GRIK2: variants seen among roughly 807,000 people sequenced by gnomAD.
The protein encoded by GRIK2 is glutamate receptor ionotropic, kainate 2.
Under a neutral mutation model 100.3 loss-of-function variants are expected in GRIK2, and 32 were observed. The ratio of observed to expected loss-of-function variants is 0.32; its 90% CI spans 0.24 to 0.43. The LOEUF is 0.43. Ranked by LOEUF, GRIK2 falls within the 20% of genes least tolerant of loss-of-function variation. GRIK2 has a pLI of 1.00. For missense variants in GRIK2, 843 were observed against 1,114.9 expected (o/e 0.76, Z 3.47); for synonymous variants, 417 against 389.4 (o/e 1.07, Z -0.83).
At chr6:101,691,626 G>A (rs752549520) in intron 7 of GRIK2, among the ~76,000 whole-genome samples, 8 of 152,070 alleles carry the variant, frequency 5.3e-5, no homozygotes, top group Non-Finnish European at 1.2e-4. Flanking sequence ...TGATTAAATA[G>A]TGAAAGTATA....
chr6:101,999,897 C>T (rs911315918), intron 14 of GRIK2, among the ~76,000 whole-genome samples: 3 of 151,824 alleles, frequency 2.0e-5, no homozygotes, highest in Admixed American at 6.6e-5. Flanking sequence ...AACAATAGCT[C>T]GATTTATCTT....
chr6:101,610,757 C>T lies in GRIK2; in HGVS notation c.116-11192C>T, dbSNP rs1779634158. ...GCTTGCTCATCCAGTCACTTTTCGC[C>T]TTTTCTTTTCATTTGGTTGACCTAT... On this transcript the variant is annotated intron_variant, in intron 2 of 16. Coordinates refer to ENST00000369134, the MANE Select transcript of GRIK2 (RefSeq NM_021956.5). Among the ~76,000 whole-genome samples the T allele has an allele frequency of 2.0e-5, 3 of 151,688 alleles. No individual in the cohort carries two copies. The Admixed American group carries it at 2.0e-4, about 10-fold the overall frequency.
intron 2 of GRIK2, among the ~76,000 whole-genome samples, chr6:101,603,169 AC>A (rs35553215): frequency 0.27 from 41,060 of 151,532 alleles, 5,874 homozygotes; most frequent in African/African-American, 0.35. Flanking sequence ...TGTAAAATAG[AC>A]CTAAGAGAGT....
chr6:101,671,762 G>A (rs1241733495), intron 4 of GRIK2, among the ~76,000 whole-genome samples: 1 of 152,138 alleles, frequency 6.6e-6, no homozygotes, highest in Non-Finnish European at 1.5e-5. Context: ...TACTCGGGAG[G>A]CTGAGGCAGG....
chr6:101,858,321 T>C (rs1188525268), intron 10 of GRIK2, among the ~76,000 whole-genome samples: 1 of 151,974 alleles, frequency 6.6e-6, no homozygotes, highest in East Asian at 1.9e-4. Context: ...TAAAATTATG[T>C]TGGATGAATG....
chr6:101,539,688 G>C (rs993665452), intron 2 of GRIK2, among the ~76,000 whole-genome samples: 1 of 151,182 alleles, frequency 6.6e-6, no homozygotes, highest in Admixed American at 6.6e-5. Flanking sequence ...TATTTTTTGT[G>C]TTTCATACTT....
intron 14 of GRIK2, among the ~76,000 whole-genome samples, chr6:102,028,744 A>G (rs571511313): frequency 6.0e-5 from 9 of 151,146 alleles, no homozygotes; most frequent in Admixed American, 2.6e-4. Flanking sequence ...TATTTTTGTC[A>G]GGTAAGTTAT....
chr6:101,743,912 A>G (rs1776209820), intron 7 of GRIK2, among the ~76,000 whole-genome samples: 1 of 152,056 alleles, frequency 6.6e-6, no homozygotes, highest in Non-Finnish European at 1.5e-5. Flanking sequence ...TGGTGCATCC[A>G]TTACCTGAGA....
In GRIK2 at chr6:101,766,345, G is replaced by T. The variant is rs1778044525; in HGVS notation, c.952-33303G>T. ...TCTAATCATGACCTCAATTTTTAAA[G>T]AATCTTGTGTTTAAAGATTTAATAA... On this transcript the variant is annotated intron_variant, in intron 7 of 16. Coordinates refer to ENST00000369134, the MANE Select transcript of GRIK2 (RefSeq NM_021956.5). Among the ~76,000 whole-genome samples the T allele has an allele frequency of 2.6e-5, 4 of 151,992 alleles. No homozygotes were observed. In the South Asian group the frequency reaches 8.3e-4, roughly 31 times the overall value.
chr6:101,726,400 A>T (rs1250742051), intron 7 of GRIK2, among the ~76,000 whole-genome samples: 1 of 152,038 alleles, frequency 6.6e-6, no homozygotes, highest in Non-Finnish European at 1.5e-5. Flanking sequence ...CTTAAAGAGA[A>T]CTTAATATAT....
intron 11 of GRIK2, among the ~76,000 whole-genome samples, chr6:101,888,532 A>G (rs62419304): frequency 0.19 from 29,073 of 152,066 alleles, 3,439 homozygotes; most frequent in East Asian, 0.3. Flanking sequence ...CCTAGTTTTT[A>G]GAGAAATATC....
intron 2 of GRIK2, among the ~76,000 whole-genome samples, chr6:101,471,871 A>G (rs1771964971): frequency 6.6e-6 from 1 of 151,918 alleles, no homozygotes; most frequent in Admixed American, 6.6e-5. Context: ...AGTTTAGTTT[A>G]TTATGTATAT....
chr6:101,581,935 G>T (rs1053135101), intron 2 of GRIK2, among the ~76,000 whole-genome samples: 1 of 152,012 alleles, frequency 6.6e-6, no homozygotes, highest in African/African-American at 2.4e-5. Context: ...ATCTCACCTT[G>T]AATTATAATA....
chr6:101,733,708 C>CTTTTTATTTTTTTTTT (rs1775437422), intron 7 of GRIK2, among the ~76,000 whole-genome samples: 1 of 83,938 alleles, frequency 1.2e-5, no homozygotes, highest in Non-Finnish European at 2.4e-5. Flanking sequence ...ATTCCTCTTT[C>CTTTTTATTTTTTTTTT]TTTTTTTTTT....
At chr6:101,395,447 GGTAT>G (rs1404974276) in intron 1 of GRIK2, among the ~76,000 whole-genome samples, 13 of 152,058 alleles carry the variant, frequency 8.5e-5, no homozygotes, top group African/African-American at 3.1e-4. Flanking sequence ...GTTGTTCTGG[GGTAT>G]GTATTTGCTG....
At chr6:101,544,832 T>C (rs1023729443) in intron 2 of GRIK2, among the ~76,000 whole-genome samples, 1 of 152,182 alleles carries the variant, frequency 6.6e-6, no homozygotes, top group Non-Finnish European at 1.5e-5. Flanking sequence ...GTGGTAGAGG[T>C]GAAATTAAAA....
At chr6:101,554,994 T>C (rs1016592146) in intron 2 of GRIK2, among the ~76,000 whole-genome samples, 5 of 152,288 alleles carry the variant, frequency 3.3e-5, no homozygotes, top group South Asian at 4.1e-4. Context: ...TGCAAGTAAA[T>C]TTAATTTCCA....
At chr6:101,858,386 C>CTTT (rs780526806) in intron 10 of GRIK2, among the ~76,000 whole-genome samples, 63 of 91,648 alleles carry the variant, frequency 6.9e-4, no homozygotes, top group South Asian at 7.8e-4. Context: ...ATTTTTTTTT[C>CTTT]TTTTTTTTTT....
At chr6:102,030,445 G>A (rs565218866) in intron 14 of GRIK2, among the ~76,000 whole-genome samples, 1 of 150,586 alleles carries the variant, frequency 6.6e-6, no homozygotes, top group Admixed American at 6.6e-5. Context: ...ACTGCTACCA[G>A]TTTACTTTCC....
Sources: gnomAD v4.1 joint callset for allele counts (sites outside exome capture counted in the v4.1 genomes callset) on GRCh38, gnomAD v4.1.1 for gene constraint, MANE v1.5 for transcripts, NCBI Gene and HGNC (gene_info 2026-07-23, HGNC 2026-07-21) for gene names.